Variants in MAGI2 observed in about 807,000 individuals in gnomAD.
The protein encoded by MAGI2 is membrane associated guanylate kinase, WW and PDZ domain containing 2, also known as membrane-associated guanylate kinase, WW and PDZ domain-containing protein 2.
Under a neutral mutation model 133.3 loss-of-function variants are expected in MAGI2, and 35 were observed. The observed-to-expected ratio is 0.26, with a 90% CI of 0.20 to 0.35. The LOEUF (loss-of-function observed/expected upper bound fraction) is 0.35. MAGI2 is among the 10% of genes least tolerant of loss of function. The pLI is 1.00. For missense variants in MAGI2, 1,636 were observed against 1,863.4 expected (o/e 0.88, Z 2.25); for synonymous variants, 729 against 710.6 (o/e 1.03, Z -0.41).
intron 1 of MAGI2, among the ~76,000 whole-genome samples, chr7:79,162,129 T>C (rs1283576085): frequency 6.6e-6 from 1 of 152,030 alleles, no homozygotes; most frequent in Non-Finnish European, 1.5e-5. Context: ...TAGCCCTAAG[T>C]TGTTTTTTCG....
At chr7:79,222,326 T>TA (rs887890142) in intron 1 of MAGI2, among the ~76,000 whole-genome samples, 16 of 152,158 alleles carry the variant, frequency 1.1e-4, no homozygotes, top group African/African-American at 3.4e-4. Flanking sequence ...AGCAATAATA[T>TA]ATTTGGAAGT....
At chr7:79,160,136 C>T (rs1304818323) in intron 1 of MAGI2, among the ~76,000 whole-genome samples, 1 of 151,968 alleles carries the variant, frequency 6.6e-6, no homozygotes, top group Non-Finnish European at 1.5e-5. Flanking sequence ...TCCCCATCCC[C>T]CACCACTGGA....
At chr7:78,322,896 T>A (rs565664648) in intron 9 of MAGI2, among the ~76,000 whole-genome samples, 45 of 152,250 alleles carry the variant, frequency 3.0e-4, no homozygotes, top group Admixed American at 2.0e-3. Context: ...CATATATATA[T>A]GTTTCAGTTT....
intron 6 of MAGI2, among the ~76,000 whole-genome samples, chr7:78,433,847 A>G (rs1800024987): frequency 6.6e-6 from 1 of 152,174 alleles, no homozygotes; most frequent in African/African-American, 2.4e-5. Flanking sequence ...CCAACAATAT[A>G]AAATGTGAGG....
chr7:78,093,193 C>T (rs1055604988), intron 20 of MAGI2, among the ~76,000 whole-genome samples: 5 of 144,682 alleles, frequency 3.5e-5, no homozygotes, highest in Admixed American at 7.0e-5. Context: ...CGTGGTGGCT[C>T]ACATCCATAA....
At chr7:78,145,708 C>A (rs1823242878) in intron 16 of MAGI2, among the ~76,000 whole-genome samples, 1 of 152,144 alleles carries the variant, frequency 6.6e-6, no homozygotes, top group Non-Finnish European at 1.5e-5. Context: ...AACTGTGAAC[C>A]AATATATATC....
intron 9 of MAGI2, among the ~76,000 whole-genome samples, chr7:78,320,396 C>A (rs929718696): frequency 1.3e-5 from 2 of 152,190 alleles, no homozygotes; most frequent in African/African-American, 4.8e-5. Flanking sequence ...AAACCACATC[C>A]AGCAGCACAT....
intron 2 of MAGI2, among the ~76,000 whole-genome samples, chr7:78,918,792 T>C (rs1798993626): frequency 6.6e-6 from 1 of 152,124 alleles, no homozygotes; most frequent in South Asian, 2.1e-4. Context: ...CCTCATTCAT[T>C]AAGGCCCAAA....
intron 1 of MAGI2, among the ~76,000 whole-genome samples, chr7:79,074,771 A>C (rs940872251): frequency 6.6e-6 from 1 of 152,212 alleles, no homozygotes; most frequent in Non-Finnish European, 1.5e-5. Context: ...GGAAAGCCAA[A>C]CAGGAAATCT....
Position 78,053,227 on chromosome 7 carries a change from A to G in MAGI2, c.3706+25720T>C, listed in dbSNP as rs542966189. 2.4e-4 allele frequency among the ~76,000 whole-genome samples: 37 copies of G among 152,368 alleles called. No individual in the cohort carries two copies. The South Asian group carries it at 7.7e-3, about 32-fold the overall frequency. ...ACGCTACTTGCAGAATGGCAGTAGG[A>G]ACGTTTTCAAAATTGAGATTTTAAA... On this transcript the variant is annotated intron_variant, in intron 21 of 21. Transcript: ENST00000354212.
intron 13 of MAGI2, among the ~76,000 whole-genome samples, chr7:78,178,459 C>T (rs192197862): frequency 6.6e-6 from 1 of 152,202 alleles, no homozygotes; most frequent in East Asian, 1.9e-4. Flanking sequence ...GATGTTTACT[C>T]TGATTAGAAC....
intron 2 of MAGI2, among the ~76,000 whole-genome samples, chr7:78,691,639 G>A (rs542310830): frequency 6.6e-5 from 10 of 152,204 alleles, no homozygotes; most frequent in South Asian, 2.1e-4. Flanking sequence ...GACCAAAAGA[G>A]CAGACTCTTT....
rs140144077 is a variant in MAGI2, at chr7:79,181,798, C to G, written c.302-174592G>C. Among the ~76,000 whole-genome samples, 91 of 152,150 alleles carry G rather than the reference C, an allele frequency of 6.0e-4. 2 individuals carry two copies. In the East Asian group the frequency reaches 0.017, roughly 29 times the overall value. On this transcript the variant is annotated intron_variant, in intron 1 of 21. Coordinates refer to ENST00000354212, the MANE Select transcript of MAGI2 (RefSeq NM_012301.4). ...GCCTTTAACAGCACCCAAGTCATCT[C>G]TTGAATGCTCTGCTGCTTAGAAATG... is the stretch of plus-strand genomic sequence containing the variant.
At chr7:78,079,880 A>G (rs1815762062) in intron 20 of MAGI2, among the ~76,000 whole-genome samples, 2 of 152,218 alleles carry the variant, frequency 1.3e-5, no homozygotes, top group African/African-American at 2.4e-5. Context: ...CACATCATGT[A>G]ACTCCCACAG....
chr7:78,720,761 A>T (rs990067064), intron 2 of MAGI2, among the ~76,000 whole-genome samples: 1 of 152,214 alleles, frequency 6.6e-6, no homozygotes, highest in South Asian at 2.1e-4. Context: ...TTGAGAAAAA[A>T]TCATCTTTTC....
intron 2 of MAGI2, among the ~76,000 whole-genome samples, chr7:78,879,167 T>C (rs929357365): frequency 1.3e-5 from 2 of 152,240 alleles, no homozygotes; most frequent in East Asian, 1.9e-4. Flanking sequence ...GGAGCCCCCA[T>C]TGGCATAAAT....
chr7:79,332,918 T>C (rs1840189124), intron 1 of MAGI2, among the ~76,000 whole-genome samples: 2 of 152,152 alleles, frequency 1.3e-5, no homozygotes, highest in Non-Finnish European at 2.9e-5. Flanking sequence ...CAGTGTTTGA[T>C]GCGCATAAAT....
chr7:78,658,937 C>T (rs969200168), intron 2 of MAGI2, among the ~76,000 whole-genome samples: 8 of 152,134 alleles, frequency 5.3e-5, no homozygotes, highest in Non-Finnish European at 7.3e-5. Context: ...CATACAACTA[C>T]CACAAAAGCC....
intron 2 of MAGI2, among the ~76,000 whole-genome samples, chr7:78,804,768 A>AAAAAAAAAAAAAAAAAAAAAC (rs1788414925): frequency 1.8e-5 from 2 of 113,952 alleles, no homozygotes; most frequent in African/African-American, 6.1e-5. Flanking sequence ...AAAAAAAAAA[A>AAAAAAAAAAAAAAAAAAAAAC]AAAACCTTTG....
Sources: allele counts gnomAD v4.1 joint callset (sites outside exome capture counted in the v4.1 genomes callset), GRCh38; gene constraint gnomAD v4.1.1; transcripts MANE v1.5; gene names NCBI Gene and HGNC (gene_info 2026-07-23, HGNC 2026-07-21).